Variants in UNC13C observed in about 807,000 individuals in gnomAD.
UNC13C encodes the protein protein unc-13 homolog C.
Under a neutral mutation model 245.4 loss-of-function variants are expected in UNC13C, and 174 were observed. That is an observed-to-expected ratio of 0.71 (90% CI 0.63 to 0.80). The LOEUF (loss-of-function observed/expected upper bound fraction) is 0.80, where lower values mean the gene tolerates loss of function less well. Ranked by LOEUF, UNC13C falls within the 30% of genes least tolerant of loss-of-function variation. UNC13C has a pLI of 0.00. For missense variants in UNC13C, 2,829 were observed against 2,602.9 expected (o/e 1.09, Z -1.89); for synonymous variants, 992 against 895.1 (o/e 1.11, Z -1.93).
At chr15:54,249,832 A>G (rs2036095870) in intron 7 of UNC13C, among the ~76,000 whole-genome samples, 3 of 152,134 alleles carry the variant, frequency 2.0e-5, no homozygotes, top group Admixed American at 1.3e-4. Flanking sequence ...AGGAGGGGTG[A>G]AGTGTCAGGG....
chr15:54,012,878 A>T lies in UNC13C; in HGVS notation c.-26A>T. The T allele has an allele frequency of 6.5e-7, 1 of 1,528,000 alleles. No homozygotes were observed. The highest frequency in any genetic ancestry group is 8.8e-7 in the Non-Finnish European group (1 of 1,133,308). 94.7% of individuals were successfully genotyped at this position (1,528,000 alleles called of 1,614,324 possible). On this transcript the variant is annotated 5_prime_UTR_variant, in exon 2 of 33. Transcript: ENST00000260323. ...TGATACTTGTTTACTTTTCTGGGGC[A>T]GAAAAGCTTGCACTAATTGCTCTCC... is the stretch of plus-strand genomic sequence containing the variant.
At chr15:54,359,910 T>C (rs1313547763) in intron 17 of UNC13C, among the ~76,000 whole-genome samples, 2 of 151,958 alleles carry the variant, frequency 1.3e-5, no homozygotes, top group South Asian at 2.1e-4. Context: ...TTTGTTTTTC[T>C]AGTTTCCTAA....
At chr15:54,029,864 A>T (rs185794875) in intron 2 of UNC13C, among the ~76,000 whole-genome samples, 95 of 152,148 alleles carry the variant, frequency 6.2e-4, no homozygotes, top group Non-Finnish European at 1.1e-3. Context: ...TTCATCTTTC[A>T]CTCAAGTGAA....
intron 30 of UNC13C, among the ~76,000 whole-genome samples, chr15:54,596,417 G>A (rs1032056599): frequency 2.6e-5 from 4 of 152,140 alleles, no homozygotes; most frequent in African/African-American, 7.2e-5. Context: ...GGAATATAAA[G>A]AGTATAGCCA....
intron 2 of UNC13C, among the ~76,000 whole-genome samples, chr15:54,054,390 G>C (rs1452916016): frequency 4.6e-5 from 7 of 152,172 alleles, no homozygotes; most frequent in South Asian, 4.1e-4. Context: ...TATGCATCCT[G>C]CTATCATAAT....
chr15:54,482,035 C>G (rs551272095), intron 19 of UNC13C, among the ~76,000 whole-genome samples: 3 of 152,132 alleles, frequency 2.0e-5, no homozygotes, highest in African/African-American at 7.2e-5. Flanking sequence ...GCAGGTGGCT[C>G]TCAAGCCCTG....
At chr15:54,130,797 T>C (rs2031371357) in intron 2 of UNC13C, among the ~76,000 whole-genome samples, 1 of 152,192 alleles carries the variant, frequency 6.6e-6, no homozygotes, top group Admixed American at 6.5e-5. Context: ...TGCTTTTATA[T>C]TTTATGAGTG....
At chr15:53,918,202 C>T in the UNC13C span, among the ~76,000 whole-genome samples, 5 of 152,192 alleles carry the variant, frequency 3.3e-5, no homozygotes, top group Non-Finnish European at 5.9e-5. Context: ...GCCACTCCAT[C>T]GCAGAAGCAA....
At chr15:54,011,463 G>A (rs747847077) in intron 1 of UNC13C, among the ~76,000 whole-genome samples, 45 of 152,216 alleles carry the variant, frequency 3.0e-4, no homozygotes, top group African/African-American at 8.7e-4. Flanking sequence ...AATTTTATTC[G>A]ACTAAAATTA....
chr15:54,595,051 G>A (rs1024687159), intron 30 of UNC13C, among the ~76,000 whole-genome samples: 2 of 152,318 alleles, frequency 1.3e-5, no homozygotes, highest in East Asian at 1.9e-4. Flanking sequence ...TGAGTCATTC[G>A]ATAAGATGTA....
chr15:54,489,435 G>T (rs1893589783), intron 19 of UNC13C, among the ~76,000 whole-genome samples: 1 of 152,192 alleles, frequency 6.6e-6, no homozygotes, highest in African/African-American at 2.4e-5. Context: ...GAGTCAGCTA[G>T]AGTTACACTG....
At chr15:54,539,292 T>C (rs1195287170) in intron 26 of UNC13C, among the ~76,000 whole-genome samples, 1 of 151,990 alleles carries the variant, frequency 6.6e-6, no homozygotes, top group East Asian at 1.9e-4. Context: ...TGTGGGGAAA[T>C]ATCTAGAAGA....
the UNC13C span, among the ~76,000 whole-genome samples, chr15:53,901,508 G>A: frequency 0.14 from 21,005 of 152,026 alleles, 1,740 homozygotes; most frequent in South Asian, 0.19. Context: ...TTACAGGCGT[G>A]AGCCACCATG....
chr15:54,288,958 C>A (rs2037220558), intron 10 of UNC13C, among the ~76,000 whole-genome samples: 1 of 152,014 alleles, frequency 6.6e-6, no homozygotes, highest in Admixed American at 6.6e-5. Context: ...TTGGTTTTTG[C>A]CACTAAGCTA....
chr15:54,008,536 A>G (rs1464795103), intron 1 of UNC13C, among the ~76,000 whole-genome samples: 1 of 152,208 alleles, frequency 6.6e-6, no homozygotes. Context: ...CCTAAAGTTC[A>G]TTAATGAAGA....
chr15:54,054,526 G>A (rs997820387), intron 2 of UNC13C, among the ~76,000 whole-genome samples: 1 of 152,044 alleles, frequency 6.6e-6, no homozygotes, highest in Non-Finnish European at 1.5e-5. Context: ...ATATACCATT[G>A]CAGAATCAAG....
At chr15:54,185,316 T>G (rs566446609) in intron 4 of UNC13C, among the ~76,000 whole-genome samples, 1 of 152,162 alleles carries the variant, frequency 6.6e-6, no homozygotes, top group South Asian at 2.1e-4. Flanking sequence ...TGCCATTGCT[T>G]TTGGTGTTTT....
At chr15:53,919,537 A>G in the UNC13C span, among the ~76,000 whole-genome samples, 1 of 152,224 alleles carries the variant, frequency 6.6e-6, no homozygotes, top group Non-Finnish European at 1.5e-5. Flanking sequence ...AAGTTCATCT[A>G]TATTCCACAC....
intron 17 of UNC13C, among the ~76,000 whole-genome samples, chr15:54,381,864 C>T (rs1489824843): frequency 3.9e-5 from 6 of 152,132 alleles, no homozygotes; most frequent in Non-Finnish European, 7.4e-5. Flanking sequence ...AGAAAATCAA[C>T]AGAGACATTG....
Sources: allele counts gnomAD v4.1 joint callset (sites outside exome capture counted in the v4.1 genomes callset), GRCh38; gene constraint gnomAD v4.1.1; transcripts MANE v1.5; gene names NCBI Gene and HGNC (gene_info 2026-07-23, HGNC 2026-07-21).